CCR5AS: variants seen among roughly 807,000 people sequenced by gnomAD.
CCR5AS encodes CCR5 antisense RNA.
chr3:46,386,600 G>T (rs531244193), intron 2 of CCR5AS, among the ~76,000 whole-genome samples: 5 of 120,984 alleles, frequency 4.1e-5, no homozygotes, highest in African/African-American at 1.4e-4. Context: ...AGGTGGGACA[G>T]GGGGAAAGGA....
chr3:46,404,073 A>G (rs1423938158), intron 1 of CCR5AS, among the ~76,000 whole-genome samples: 1 of 152,206 alleles, frequency 6.6e-6, no homozygotes, highest in African/African-American at 2.4e-5. Flanking sequence ...AAGGCGATAA[A>G]TCAGTAACTG....
chr3:46,379,267 C>T (rs1049770908), intron 2 of CCR5AS, among the ~76,000 whole-genome samples: 2 of 145,858 alleles, frequency 1.4e-5, no homozygotes, highest in African/African-American at 2.5e-5. Context: ...TGAGAATATG[C>T]GGTGTTTGGT....
chr3:46,380,584 C>T (rs1029719214), intron 2 of CCR5AS, among the ~76,000 whole-genome samples: 2 of 152,174 alleles, frequency 1.3e-5, no homozygotes, highest in Non-Finnish European at 2.9e-5. Flanking sequence ...ACTCTGATGT[C>T]GTGGGTCTGG....
chr3:46,368,377 A>G (rs1701620852), intron 3 of CCR5AS, among the ~76,000 whole-genome samples: 1 of 152,238 alleles, frequency 6.6e-6, no homozygotes, highest in Non-Finnish European at 1.5e-5. Flanking sequence ...TCACAGCATG[A>G]TAAGCTGCTA....
intron 2 of CCR5AS, among the ~76,000 whole-genome samples, chr3:46,390,421 G>C (rs945918220): frequency 6.6e-6 from 1 of 152,174 alleles, no homozygotes; most frequent in South Asian, 2.1e-4. Context: ...TAGGGGAGTT[G>C]TAAGGAGAAT....
intron 2 of CCR5AS, among the ~76,000 whole-genome samples, chr3:46,381,283 C>A (rs911146951): frequency 6.6e-6 from 1 of 152,176 alleles, no homozygotes; most frequent in Non-Finnish European, 1.5e-5. Context: ...CTTCTCCCCC[C>A]ATTTCCTTAT....
chr3:46,375,370 C>T (rs551901023), intron 2 of CCR5AS: 4 of 167,106 alleles, frequency 2.4e-5, no homozygotes, highest in African/African-American at 9.6e-5. Context: ...ATGAGGCAAC[C>T]ACAGGCAGCA....
intron 2 of CCR5AS, chr3:46,373,178 C>T: frequency 6.2e-7 from 1 of 1,614,178 alleles, no homozygotes; most frequent in Non-Finnish European, 8.5e-7. Flanking sequence ...ATGCTGCCGC[C>T]CAGTGGGACT....
At chr3:46,403,885 C>T (rs1407102528) in intron 1 of CCR5AS, among the ~76,000 whole-genome samples, 1 of 152,156 alleles carries the variant, frequency 6.6e-6, no homozygotes, top group Non-Finnish European at 1.5e-5. Flanking sequence ...CCAGCACTGG[C>T]AAATCAGCCA....
intron 2 of CCR5AS, among the ~76,000 whole-genome samples, chr3:46,382,480 T>G (rs1194884119): frequency 6.6e-6 from 1 of 152,244 alleles, no homozygotes; most frequent in African/African-American, 2.4e-5. Context: ...TCACTGCTCA[T>G]GTGTTAGCAT....
intron 2 of CCR5AS, among the ~76,000 whole-genome samples, chr3:46,387,205 T>A (rs779708563): frequency 6.6e-6 from 1 of 152,164 alleles, no homozygotes; most frequent in African/African-American, 2.4e-5. Context: ...GGATCCTAGC[T>A]TCCAGAAATC....
chr3:46,374,006 G>A, intron 2 of CCR5AS: 1 of 1,437,474 alleles, frequency 7.0e-7, no homozygotes, highest in Non-Finnish European at 9.4e-7. Flanking sequence ...TTGTGCACAT[G>A]GCTTAGTTTT....
intron 2 of CCR5AS, among the ~76,000 whole-genome samples, chr3:46,377,131 G>T (rs1258115303): frequency 6.6e-6 from 1 of 152,124 alleles, no homozygotes; most frequent in Non-Finnish European, 1.5e-5. Flanking sequence ...CAGCTTTTGT[G>T]GCTGACATAC....
At chr3:46,377,308 C>A (rs953126016) in intron 2 of CCR5AS, among the ~76,000 whole-genome samples, 4 of 152,216 alleles carry the variant, frequency 2.6e-5, no homozygotes, top group African/African-American at 9.7e-5. Context: ...TCACGACCTT[C>A]AGGATCTGAC....
chr3:46,390,574 G>A (rs149511916), intron 2 of CCR5AS, among the ~76,000 whole-genome samples: 1 of 152,094 alleles, frequency 6.6e-6, no homozygotes, highest in Admixed American at 6.5e-5. Flanking sequence ...GTGCATGATC[G>A]GTTGCCAAGG....
At chr3:46,373,859 C>T (rs780012517) in intron 2 of CCR5AS, 1 of 1,613,984 alleles carries the variant, frequency 6.2e-7, no homozygotes, top group Non-Finnish European at 8.5e-7. Flanking sequence ...TTGCCAAACG[C>T]TTCTGCAAAT....
chr3:46,394,742 G>A (rs1347573977), intron 1 of CCR5AS, among the ~76,000 whole-genome samples: 5 of 152,114 alleles, frequency 3.3e-5, no homozygotes, highest in African/African-American at 9.7e-5. Context: ...CTGTGGAAAC[G>A]GTGTGTGAGA....
At chr3:46,390,140 T>C (rs1343945391) in intron 2 of CCR5AS, among the ~76,000 whole-genome samples, 1 of 152,066 alleles carries the variant, frequency 6.6e-6, no homozygotes, top group Admixed American at 6.5e-5. Context: ...CCTGAAGCCT[T>C]GGGGTAGAAA....
intron 1 of CCR5AS, among the ~76,000 whole-genome samples, chr3:46,401,851 G>A (rs1702008879): frequency 6.6e-6 from 1 of 150,532 alleles, no homozygotes; most frequent in Non-Finnish European, 1.5e-5. Context: ...TATGTCTAAG[G>A]AAGCATTTCT....
Sources: gnomAD v4.1 joint callset for allele counts (sites outside exome capture counted in the v4.1 genomes callset) on GRCh38, gnomAD v4.1.1 for gene constraint, MANE v1.5 for transcripts, NCBI Gene and HGNC (gene_info 2026-07-23, HGNC 2026-07-21) for gene names.